The following PEBP4 variants were observed in gnomAD, a reference collection of about 807,000 sequenced individuals.
The protein encoded by PEBP4 is phosphatidylethanolamine binding protein 4, also known as phosphatidylethanolamine-binding protein 4.
In PEBP4, 22 loss-of-function variants were observed where a neutral mutation model predicts 23.9. The ratio of observed to expected loss-of-function variants is 0.92; its 90% CI spans 0.66 to 1.31. The LOEUF is 1.31. PEBP4 is among the 40% of genes most tolerant of loss of function. PEBP4 has a pLI of 0.00. For missense variants in PEBP4, 324 were observed against 281.7 expected, an observed-to-expected ratio of 1.15 and a Z score of -1.07; for synonymous variants, 112 against 99.3, an observed-to-expected ratio of 1.13 and a Z score of -0.76.
At chr8:22,857,083 A>G (rs952836726) in intron 3 of PEBP4, among the ~76,000 whole-genome samples, 26 of 152,340 alleles carry the variant, frequency 1.7e-4, no homozygotes, top group East Asian at 7.7e-4. Context: ...TACAATTGGT[A>G]AGTATAAAAA....
intron 4 of PEBP4, among the ~76,000 whole-genome samples, chr8:22,732,989 A>G (rs1415520740): frequency 2.6e-5 from 4 of 152,170 alleles, no homozygotes; most frequent in African/African-American, 9.7e-5. Context: ...GTCTTCCCAG[A>G]CTTGTCCCGT....
chr8:22,851,675 C>G (rs1014800779), intron 3 of PEBP4, among the ~76,000 whole-genome samples: 1 of 152,066 alleles, frequency 6.6e-6, no homozygotes, highest in African/African-American at 2.4e-5. Context: ...CTCTCTTTTG[C>G]TTATCAGAAT....
intron 4 of PEBP4, among the ~76,000 whole-genome samples, chr8:22,795,760 AT>A (rs907895613): frequency 2.6e-4 from 39 of 151,852 alleles, no homozygotes; most frequent in Non-Finnish European, 4.3e-4. Context: ...TACATGAAAG[AT>A]TTTTTTTTCC....
intron 3 of PEBP4, among the ~76,000 whole-genome samples, chr8:22,859,527 G>T (rs1807721778): frequency 6.6e-6 from 1 of 152,308 alleles, no homozygotes; most frequent in African/African-American, 2.4e-5. Flanking sequence ...TTTAGAAGAA[G>T]AGGTTGGGTT....
upstream of PEBP4, among the ~76,000 whole-genome samples, chr8:22,929,602 C>A (rs575043566): frequency 1.3e-5 from 2 of 152,200 alleles, no homozygotes; most frequent in South Asian, 4.1e-4. Flanking sequence ...GAGGAGACAG[C>A]ACAGTGACAT....
At chr8:22,808,646 G>A (rs1450137080) in intron 4 of PEBP4, among the ~76,000 whole-genome samples, 1 of 152,186 alleles carries the variant, frequency 6.6e-6, no homozygotes, top group Non-Finnish European at 1.5e-5. Context: ...GGGCCTTGAA[G>A]TAGGAGGAGT....
rs554496585 is a variant in PEBP4 at position 22,768,469 on chromosome 8, A to T, written c.358-41249T>A. Among the ~76,000 whole-genome samples the T allele has an allele frequency of 9.8e-5, 15 of 152,294 alleles. No homozygotes were observed. In the East Asian group the frequency reaches 2.9e-3, roughly 29 times the overall value. On this transcript the variant is annotated intron_variant, in intron 4 of 6. Coordinates refer to ENST00000256404, the MANE Select transcript of PEBP4 (RefSeq NM_144962.3). ...CACGACAGCCTCAGTGAACAAAGCC[A>T]AGCAGACCCCCCATCCCCTGCCAAT...
rs572042098 is a variant in PEBP4 at position 22,933,055 on chromosome 8, AC to A, written c.145-5336del. On this transcript the variant is annotated intron_variant, in intron 1 of 1. Coordinates refer to the PEBP4 transcript ENST00000522278. ...TTTCATTTTCTTTCTACCTTGTTCCACCTCCACTGCCAGCAGTATTGGTCTG... is the reference window on the plus strand; with the variant it reads ...TTTCATTTTCTTTCTACCTTGTTCCACTCCACTGCCAGCAGTATTGGTCTG... Among the ~76,000 whole-genome samples the A allele has an allele frequency of 3.9e-3, 594 of 150,722 alleles. 2 individuals are homozygous for A. Among genetic ancestry groups the A allele is most frequent in the Middle Eastern group, 0.021 (6 of 288 alleles).
intron 4 of PEBP4, among the ~76,000 whole-genome samples, chr8:22,805,072 T>A (rs1185968739): frequency 6.6e-6 from 1 of 151,878 alleles, no homozygotes; most frequent in Admixed American, 6.6e-5. Flanking sequence ...TGTAATGGAG[T>A]CATTGATTTT....
intron 3 of PEBP4, among the ~76,000 whole-genome samples, chr8:22,890,786 C>T (rs1808477602): frequency 6.6e-6 from 1 of 152,240 alleles, no homozygotes; most frequent in South Asian, 2.1e-4. Flanking sequence ...TTGAACCTCA[C>T]TAGTAACTTG....
At chr8:22,816,243 C>T (rs1273331354) in intron 4 of PEBP4, among the ~76,000 whole-genome samples, 1 of 152,200 alleles carries the variant, frequency 6.6e-6, no homozygotes, top group Non-Finnish European at 1.5e-5. Flanking sequence ...ACAGAGGTGG[C>T]TCCAGCACTG....
chr8:22,759,866 C>T (rs1043969428), intron 4 of PEBP4, among the ~76,000 whole-genome samples: 3 of 152,154 alleles, frequency 2.0e-5, no homozygotes, highest in Non-Finnish European at 2.9e-5. Context: ...CTCAAGGCAG[C>T]GTCTCAGTGG....
At chr8:22,743,083 G>C (rs575184916) in intron 4 of PEBP4, among the ~76,000 whole-genome samples, 21 of 152,310 alleles carry the variant, frequency 1.4e-4, no homozygotes, top group African/African-American at 5.1e-4. Context: ...TCTTATGCCA[G>C]ACTCCAGTGC....
intron 3 of PEBP4, among the ~76,000 whole-genome samples, chr8:22,916,783 C>T (rs979352098): frequency 7.9e-5 from 12 of 152,244 alleles, no homozygotes; most frequent in Non-Finnish European, 2.9e-5. Flanking sequence ...AAAGACAACA[C>T]ATAGTCTTTC....
chr8:22,905,433 G>A (rs1407105642), intron 3 of PEBP4, among the ~76,000 whole-genome samples: 1 of 152,158 alleles, frequency 6.6e-6, no homozygotes, highest in East Asian at 1.9e-4. Flanking sequence ...TTAAAGTGCA[G>A]AGTTTCAAAT....
At chr8:22,805,284 G>T (rs1563221811) in intron 4 of PEBP4, among the ~76,000 whole-genome samples, 1 of 152,212 alleles carries the variant, frequency 6.6e-6, no homozygotes, top group Non-Finnish European at 1.5e-5. Context: ...TGGACTTTGG[G>T]TGATAAAGAT....
chr8:22,908,659 C>G (rs886436440), intron 3 of PEBP4, among the ~76,000 whole-genome samples: 8 of 152,164 alleles, frequency 5.3e-5, no homozygotes, highest in Non-Finnish European at 1.0e-4. Context: ...CCCTTGGGCT[C>G]CAAGTGTTCC....
At position 22,737,502 on chromosome 8, in the gene PEBP4, A is replaced by T. The variant is rs545207516; in HGVS notation, c.358-10282T>A. The stretch of plus-strand genomic sequence containing the variant: ...TAGTTCACTCAGATCCCCGCCCTCC[A>T]GGAAATTCCCCGCTAAGGTGCAGGA... On this transcript the variant is annotated intron_variant, in intron 4 of 6. Transcript: ENST00000256404. 2.0e-5 allele frequency among the ~76,000 whole-genome samples: 3 copies of T among 152,120 alleles called. No individual in the cohort carries two copies. In the South Asian group the frequency reaches 6.2e-4, roughly 32 times the overall value.
intron 4 of PEBP4, among the ~76,000 whole-genome samples, chr8:22,782,922 A>G (rs550764579): frequency 6.6e-6 from 1 of 152,328 alleles, no homozygotes; most frequent in Non-Finnish European, 1.5e-5. Flanking sequence ...CCAGAGTCAC[A>G]GGGAAGACGA....
Sources: allele counts gnomAD v4.1 joint callset (sites outside exome capture counted in the v4.1 genomes callset), GRCh38; gene constraint gnomAD v4.1.1; transcripts MANE v1.5; gene names NCBI Gene and HGNC (gene_info 2026-07-23, HGNC 2026-07-21).